CRYBG1: variants seen among roughly 807,000 people sequenced by gnomAD.
The protein encoded by CRYBG1 is beta/gamma crystallin domain-containing protein 1.
A neutral mutation model predicts 189.2 loss-of-function variants in CRYBG1; 139 were observed. That is an observed-to-expected ratio of 0.73 (90% CI 0.64 to 0.85). The LOEUF (loss-of-function observed/expected upper bound fraction) is 0.85, where lower values mean the gene tolerates loss of function less well. CRYBG1 is among the 40% of genes least tolerant of loss of function. The pLI is 0.00. For missense variants in CRYBG1, 2,611 were observed against 2,675.8 expected (o/e 0.98, Z 0.53); for synonymous variants, 1,023 against 1,017.1 (o/e 1.01, Z -0.11).
chr6:106,512,405 T>C lies in CRYBG1; in HGVS notation c.1288T>C (p.Ser430Pro), dbSNP rs1375919915. Residue 430 changes from serine (S) to proline (P), a missense_variant, in exon 3 of 22, where the codon TCC becomes CCC. Transcript: ENST00000633556. ...RRRGSQKSTD[S>P]PGADAELPES... ...GAGGGGGTCGCAGAAATCCACCGAC[T>C]CCCCCGGCGCGGACGCCGAGCTCCC... 2 of 1,608,060 alleles carry C rather than the reference T, an allele frequency of 1.2e-6. No individual in the cohort carries two copies. Among genetic ancestry groups the C allele is most frequent in the South Asian group, 2.2e-5 (2 of 90,216 alleles).
In CRYBG1 at chr6:106,360,918, T is replaced by A; in HGVS notation, c.10T>A (p.Ser4Thr). 1.3e-6 allele frequency: 2 copies of A among 1,533,216 alleles called. No homozygotes were observed. Among genetic ancestry groups the A allele is most frequent in the East Asian group, 2.5e-5 (1 of 40,718 alleles). The allele number at this position is 1,533,216 out of a possible 1,614,324, so 95.0% of individuals were successfully genotyped here. A position where few individuals can be genotyped will look rare whatever the true frequency, so the allele number is the denominator to read the frequency against. Residue 4 changes from serine (S) to threonine (T), a missense_variant, in exon 1 of 22, where the codon TCC becomes ACC. Transcript: ENST00000633556. The stretch of plus-strand genomic sequence containing the variant: ...GGAGGAGGACAAGACGATGCCGCTG[T>A]CCCCGCCAGCCCAGGGCGACCCCGG... Reference protein sequence around the residue: MPLSPPAQGDPGEP... With the variant: MPLTPPAQGDPGEP...
chr6:106,383,168 T>C (rs1162676134), intron 1 of CRYBG1, among the ~76,000 whole-genome samples: 1 of 152,206 alleles, frequency 6.6e-6, no homozygotes, highest in African/African-American at 2.4e-5. Flanking sequence ...TTACCTCATC[T>C]AGTATTTCTC....
At chr6:106,542,296 T>G (rs1236571613) in intron 10 of CRYBG1, among the ~76,000 whole-genome samples, 5 of 148,580 alleles carry the variant, frequency 3.4e-5, no homozygotes, top group African/African-American at 4.9e-5. Context: ...TTTTTTTTTT[T>G]TGTGGAGACC....
intron 1 of CRYBG1, among the ~76,000 whole-genome samples, chr6:106,390,328 TA>T (rs1770478000): frequency 6.6e-6 from 1 of 152,108 alleles, no homozygotes; most frequent in South Asian, 2.1e-4. Flanking sequence ...ACTTCCTTAC[TA>T]AATCACATTG....
chr6:106,482,683 T>G lies in CRYBG1; in HGVS notation c.313-28747T>G, dbSNP rs185625869. On this transcript the variant is annotated intron_variant, in intron 2 of 21. Transcript: ENST00000633556. ...CCAGCTACTTGGGAGGCTGAGGCAGTAGAATGGCATGAACCGGGGAGACAG... is the reference window on the plus strand; with the variant it reads ...CCAGCTACTTGGGAGGCTGAGGCAGGAGAATGGCATGAACCGGGGAGACAG... Among the ~76,000 whole-genome samples, 908 of 152,034 alleles carry G rather than the reference T, an allele frequency of 6.0e-3. 13 individuals carry two copies. The highest frequency in any genetic ancestry group is 0.021 in the African/African-American group (854 of 41,452).
intron 18 of CRYBG1, 138 bp downstream of exon 18, chr6:106,558,763 G>C: frequency 1.5e-6 from 1 of 684,308 alleles, no homozygotes; most frequent in South Asian, 3.3e-5. Flanking sequence ...AGGGATTCAA[G>C]AAAAGCCTGG....
At chr6:106,507,971 G>A (rs1773167048) in intron 2 of CRYBG1, among the ~76,000 whole-genome samples, 1 of 152,224 alleles carries the variant, frequency 6.6e-6, no homozygotes, top group African/African-American at 2.4e-5. Context: ...ACGTGGCTGG[G>A]TACGGTGGCT....
At chr6:106,420,604 T>C (rs966079086) in intron 1 of CRYBG1, 1 of 152,310 alleles carries the variant, frequency 6.6e-6, no homozygotes, top group Non-Finnish European at 1.5e-5. Flanking sequence ...GAGATTCTAT[T>C]TTTCTTCACA....
At position 106,430,571 on chromosome 6, in the gene CRYBG1, C is replaced by A. The variant is rs9486336; in HGVS notation, c.174-21123C>A. On this transcript the variant is annotated intron_variant, in intron 1 of 21. Transcript: ENST00000633556. ...CATCTGGGACTTTCTGAGGTGGGAA[C>A]GTGTAACATGGCTCCTACAGTCACA... 4.8e-3 allele frequency among the ~76,000 whole-genome samples: 726 copies of A among 152,230 alleles called. 3 individuals are homozygous for A. The highest frequency in any genetic ancestry group is 0.017 in the African/African-American group (699 of 41,530).
chr6:106,553,341 C>A, intron 15 of CRYBG1, 114 bp from the exon 16 acceptor site: 1 of 652,598 alleles, frequency 1.5e-6, no homozygotes. Flanking sequence ...AAAATTCGTA[C>A]CAGTTTACTG....
At chr6:106,423,891 G>T (rs1582754457) in intron 1 of CRYBG1, among the ~76,000 whole-genome samples, 1 of 151,688 alleles carries the variant, frequency 6.6e-6, no homozygotes, top group East Asian at 1.9e-4. Context: ...TTTTTGTAGA[G>T]ACGGGGCTTT....
intron 1 of CRYBG1, among the ~76,000 whole-genome samples, chr6:106,446,807 A>G (rs1167789143): frequency 6.6e-6 from 1 of 152,206 alleles, no homozygotes; most frequent in Non-Finnish European, 1.5e-5. Context: ...AGGTCTCACA[A>G]TTCTGGGATT....
chr6:106,368,782 T>G (rs1278716011), intron 1 of CRYBG1, among the ~76,000 whole-genome samples: 1 of 152,146 alleles, frequency 6.6e-6, no homozygotes, highest in Non-Finnish European at 1.5e-5. Context: ...ATTCAGCCAG[T>G]ATACAGTATA....
chr6:106,383,791 T>C (rs7740539), intron 1 of CRYBG1, among the ~76,000 whole-genome samples: 40,786 of 152,132 alleles, frequency 0.27, 5,723 homozygotes, highest in Middle Eastern at 0.34. Flanking sequence ...CCTGCAGTTT[T>C]TCATATGCAA....
chr6:106,503,059 G>A (rs546778458), intron 2 of CRYBG1, among the ~76,000 whole-genome samples: 3 of 152,326 alleles, frequency 2.0e-5, no homozygotes, highest in South Asian at 4.1e-4. Context: ...AGGGGAAAGC[G>A]GCTCGGGAAT....
chr6:106,371,272 TC>T (rs1770021088), intron 1 of CRYBG1, among the ~76,000 whole-genome samples: 1 of 152,242 alleles, frequency 6.6e-6, no homozygotes, highest in Non-Finnish European at 1.5e-5. Context: ...AGTTTTTGCA[TC>T]TGCTATTAGT....
At position 106,558,536 on chromosome 6, in the gene CRYBG1, A is replaced by T; in HGVS notation, c.5766A>T (p.Gly1922=). The T allele has an allele frequency of 6.2e-7, 1 of 1,611,732 alleles. No homozygotes were observed. The highest frequency in any genetic ancestry group is 2.2e-5 in the East Asian group (1 of 44,830). Residue 1922 remains glycine, a synonymous_variant, in exon 18 of 22, where the codon GGA becomes GGT. Coordinates refer to ENST00000633556, the MANE Select transcript of CRYBG1 (RefSeq NM_001371242.2). The stretch of plus-strand genomic sequence containing the variant: ...TCTTTGAAAGAGAAGACTTCAAAGG[A>T]AAAAAGATTGAACTTAATGCAGAAA... ...IILFEREDFK[G]KKIELNAETV...
At chr6:106,377,881 A>G (rs1158803663) in intron 1 of CRYBG1, among the ~76,000 whole-genome samples, 2 of 152,134 alleles carry the variant, frequency 1.3e-5, no homozygotes, top group Non-Finnish European at 2.9e-5. Context: ...AAAAACAAAA[A>G]TTTATTGGTA....
At chr6:106,463,428 A>G (rs1322984482) in intron 2 of CRYBG1, among the ~76,000 whole-genome samples, 1 of 152,154 alleles carries the variant, frequency 6.6e-6, no homozygotes, top group Admixed American at 6.5e-5. Context: ...TTGTCACCCT[A>G]GTTTTGTAAT....
Sources: allele counts gnomAD v4.1 joint callset (sites outside exome capture counted in the v4.1 genomes callset), GRCh38; gene constraint gnomAD v4.1.1; transcripts MANE v1.5; gene names NCBI Gene and HGNC (gene_info 2026-07-23, HGNC 2026-07-21).